The following CDKL2 variants were observed in gnomAD, a reference collection of about 807,000 sequenced individuals.
CDKL2 encodes the protein cyclin dependent kinase like 2, also known as cyclin-dependent kinase-like 2.
Under a neutral mutation model 63.9 loss-of-function variants are expected in CDKL2, and 64 were observed. That is an observed-to-expected ratio of 1.00 (90% CI 0.82 to 1.23). The LOEUF is 1.23. Ranked by LOEUF, CDKL2 falls within the 50% of genes most tolerant of loss-of-function variation. CDKL2 has a pLI of 0.00. For synonymous variants in CDKL2, 211 were observed against 229.2 expected, an observed-to-expected ratio of 0.92 and a Z score of 0.72; for missense variants, 656 against 668.0, an observed-to-expected ratio of 0.98 and a Z score of 0.20.
chr4:75,595,926 G>GA lies in CDKL2; in HGVS notation c.1416+320dup, dbSNP rs369392721. ...CCTGGGCAACAGAGCAAGACTCCAT[G>GA]AAAAAAAAAAGAAAAGAAAAAGAAA... On this transcript the variant is annotated intron_variant, in intron 10 of 13. Transcript: ENST00000307465. Among the ~76,000 whole-genome samples, 235 of 131,342 alleles carry GA rather than the reference G, an allele frequency of 1.8e-3. 1 individual carries two copies. Among genetic ancestry groups the GA allele is most frequent in the Admixed American group, 4.7e-3 (56 of 11,924 alleles). The allele number at this position is 131,342 out of a possible 152,430, so 86.2% of individuals were successfully genotyped here.
At chr4:75,610,753 T>C (rs913287781) in intron 3 of CDKL2, among the ~76,000 whole-genome samples, 1 of 152,170 alleles carries the variant, frequency 6.6e-6, no homozygotes, top group Non-Finnish European at 1.5e-5. Context: ...AAATGAATAA[T>C]ATATTTGAGA....
chr4:75,617,628 G>A (rs572398112), intron 2 of CDKL2, among the ~76,000 whole-genome samples: 3 of 152,248 alleles, frequency 2.0e-5, no homozygotes, highest in Non-Finnish European at 2.9e-5. Flanking sequence ...AATAATACTA[G>A]AATGTCACTT....
At position 75,591,894 on chromosome 4, in the gene CDKL2, GCT is replaced by G. The variant is rs1728729552; in HGVS notation, c.1570_1571del (p.Ser524GlnfsTer15). ...ARNSRLTKKE[S>X]KILSESRIPS... ...GAATTCGAGATTCTGAAAGAATTTT[GCT>G]CTCTTTCTTTGTTAGCCTGGAATTT... On this transcript the variant is annotated frameshift_variant, in exon 12 of 14. Transcript: ENST00000307465. LOFTEE classifies it high-confidence loss of function. 6.5e-7 allele frequency: 1 copy of G among 1,535,886 alleles called. No individual in the cohort carries two copies. The highest frequency in any genetic ancestry group is 8.7e-7 in the Non-Finnish European group (1 of 1,146,782).
chr4:75,615,026 G>C (rs1249749605), intron 2 of CDKL2, among the ~76,000 whole-genome samples: 1 of 126,418 alleles, frequency 7.9e-6, no homozygotes, highest in Non-Finnish European at 1.7e-5. Flanking sequence ...ATGGCACCAA[G>C]AAACAGCATT....
chr4:75,591,899 CTT>C lies in CDKL2; in HGVS notation c.1565_1566del (p.Lys522ArgfsTer17), dbSNP rs1326687987. Reference sequence around the variant, plus strand: ...CGAGATTCTGAAAGAATTTTGCTCTCTTTCTTTGTTAGCCTGGAATTTCGAGC... The same window carrying C: ...CGAGATTCTGAAAGAATTTTGCTCTCTCTTTGTTAGCCTGGAATTTCGAGC... ...GIARNSRLTK[K>X]ESKILSESRI... On this transcript the variant is annotated frameshift_variant, in exon 12 of 14. Transcript: ENST00000307465. LOFTEE classifies it high-confidence loss of function. The C allele has an allele frequency of 6.5e-7, 1 of 1,535,930 alleles. No individual in the cohort carries two copies. The highest frequency in any genetic ancestry group is 1.2e-5 in the South Asian group (1 of 84,054).
chr4:75,584,863 C>T (rs1255876739), intron 12 of CDKL2, among the ~76,000 whole-genome samples: 1 of 152,172 alleles, frequency 6.6e-6, no homozygotes, highest in Non-Finnish European at 1.5e-5. Flanking sequence ...TTTCCACTAA[C>T]ATTTTCAGAC....
chr4:75,596,303 C>T lies in CDKL2; in HGVS notation c.1360G>A (p.Val454Ile), dbSNP rs1259680418. Residue 454 changes from valine to isoleucine, a missense_variant, in exon 10 of 14, where the codon GTT becomes ATT. By Grantham distance (29) the Val-to-Ile change is conservative. Coordinates refer to ENST00000307465, the MANE Select transcript of CDKL2 (RefSeq NM_001330724.2). Reference protein sequence around the residue: ...EKTKKCSIPFVKPNRHSPSGI... With the variant: ...EKTKKCSIPFIKPNRHSPSGI... The stretch of plus-strand genomic sequence containing the variant: ...GATGGGGAATGTCTGTTCGGTTTAA[C>T]AAATGGAATAGAACACTTCTTAGTT... The T allele has an allele frequency of 6.2e-7, 1 of 1,612,266 alleles. No individual in the cohort carries two copies. The highest frequency in any genetic ancestry group is 8.5e-7 in the Non-Finnish European group (1 of 1,178,540).
At chr4:75,601,458 C>A (rs1202044148) in intron 6 of CDKL2, among the ~76,000 whole-genome samples, 1 of 151,930 alleles carries the variant, frequency 6.6e-6, no homozygotes, top group Admixed American at 6.6e-5. Context: ...AACTGTGCTA[C>A]TTATAAGTAA....
rs1448152851 is a variant in CDKL2 at position 75,578,900 on chromosome 4, C to G, written c.*302G>C. ...ATATACAATCTCCTAACAGTAAATA[C>G]ACATTCATGTAACAAGAACCATATC... On this transcript the variant is annotated 3_prime_UTR_variant, in exon 14 of 14. Coordinates refer to ENST00000307465, the MANE Select transcript of CDKL2 (RefSeq NM_001330724.2). 1 of 152,598 alleles carries G rather than the reference C, an allele frequency of 6.6e-6. No individual in the cohort carries two copies. The highest frequency in any genetic ancestry group is 1.5e-5 in the Non-Finnish European group (1 of 68,026). 9.5% of individuals were successfully genotyped at this position (152,598 alleles called of 1,614,324 possible). A position where few individuals can be genotyped will look rare whatever the true frequency, so the allele number is the denominator to read the frequency against.
At chr4:75,591,781 C>A (rs1009403524) in intron 12 of CDKL2, 38 bp downstream of exon 12, 8 of 1,364,770 alleles carry the variant, frequency 5.9e-6, no homozygotes, top group African/African-American at 2.9e-5. Flanking sequence ...AAGAGAGAGA[C>A]CCGAGTTCTG....
chr4:75,596,874 C>A, intron 9 of CDKL2, 61 bp downstream of exon 9: 1 of 1,364,520 alleles, frequency 7.3e-7, no homozygotes, highest in Non-Finnish European at 1.0e-6. Flanking sequence ...AATTGACAAA[C>A]CCTTGCAATT....
At chr4:75,585,969 G>T (rs1046078226) in intron 12 of CDKL2, among the ~76,000 whole-genome samples, 3 of 151,964 alleles carry the variant, frequency 2.0e-5, no homozygotes, top group Non-Finnish European at 2.9e-5. Flanking sequence ...CAACAACAAA[G>T]AATATACATT....
intron 2 of CDKL2, among the ~76,000 whole-genome samples, chr4:75,617,885 G>A (rs1409977525): frequency 2.0e-5 from 3 of 152,058 alleles, no homozygotes; most frequent in African/African-American, 4.8e-5. Context: ...GACGGATCAC[G>A]AGGTCAGGAG....
rs773872129 is a variant in CDKL2 at position 75,598,182 on chromosome 4, C to T, written c.915G>A (p.Gln305=). 1 of 1,511,578 alleles carries T rather than the reference C, an allele frequency of 6.6e-7. No homozygotes were observed. The highest frequency in any genetic ancestry group is 9.0e-7 in the Non-Finnish European group (1 of 1,106,538). The allele number at this position is 1,511,578 out of a possible 1,614,324, so 93.6% of individuals were successfully genotyped here. ...ATAAAGAAACATTTCTGGCATCTTT[C>T]TGTACTTTTAACTGTAGTTCTTGGG... is the stretch of plus-strand genomic sequence containing the variant. The part of the protein sequence containing the change: ...RFSQELQLKV[Q]KDARNVSLSK... Residue 305 remains glutamine, a synonymous_variant, in exon 8 of 14, where the codon CAG becomes CAA. Coordinates refer to ENST00000307465, the MANE Select transcript of CDKL2 (RefSeq NM_001330724.2).
chr4:75,587,558 A>T (rs1340989437), intron 12 of CDKL2, among the ~76,000 whole-genome samples: 3 of 152,134 alleles, frequency 2.0e-5, no homozygotes, highest in Non-Finnish European at 4.4e-5. Flanking sequence ...TAAAAAATAC[A>T]ACCTACCAAA....
chr4:75,625,184 A>G (rs551153119), intron 2 of CDKL2, among the ~76,000 whole-genome samples: 1 of 152,320 alleles, frequency 6.6e-6, no homozygotes, highest in South Asian at 2.1e-4. Flanking sequence ...TTTTTAGTTG[A>G]CTATATTCTG....
chr4:75,595,468 G>A (rs1728874646), intron 10 of CDKL2, among the ~76,000 whole-genome samples: 1 of 151,876 alleles, frequency 6.6e-6, no homozygotes, highest in Admixed American at 6.6e-5. Context: ...TCCCACCTCG[G>A]CCTCCCAAAG....
At chr4:75,619,577 TAAAAAAAA>T (rs71203836) in intron 2 of CDKL2, among the ~76,000 whole-genome samples, 13 of 78,148 alleles carry the variant, frequency 1.7e-4, no homozygotes, top group South Asian at 5.7e-4. Flanking sequence ...CACAGCTGTA[TAAAAAAAA>T]AAAAAAAAAA....
chr4:75,619,960 A>G (rs764968895), intron 2 of CDKL2, among the ~76,000 whole-genome samples: 11 of 152,136 alleles, frequency 7.2e-5, no homozygotes, highest in Non-Finnish European at 1.6e-4. Flanking sequence ...TGAGGCAGAA[A>G]AATTGCTTGA....
Sources: gnomAD v4.1 joint callset for allele counts (sites outside exome capture counted in the v4.1 genomes callset) on GRCh38, gnomAD v4.1.1 for gene constraint, MANE v1.5 for transcripts, NCBI Gene and HGNC (gene_info 2026-07-23, HGNC 2026-07-21) for gene names.